GRM7: variants seen among roughly 807,000 people sequenced by gnomAD.
The protein encoded by GRM7 is metabotropic glutamate receptor 7.
In GRM7, 35 loss-of-function variants were observed where a neutral mutation model predicts 84.5. The ratio of observed to expected loss-of-function variants is 0.41; its 90% CI spans 0.32 to 0.55. The LOEUF is 0.55. Ranked by LOEUF, GRM7 falls within the 20% of genes least tolerant of loss-of-function variation. The pLI is 0.19. For synonymous variants in GRM7, 487 were observed against 455.1 expected, an observed-to-expected ratio of 1.07 and a Z score of -0.89; for missense variants, 1,003 against 1,194.6, an observed-to-expected ratio of 0.84 and a Z score of 2.36.
At chr3:7,502,614 G>A (rs1472234699) in intron 7 of GRM7, among the ~76,000 whole-genome samples, 1 of 152,106 alleles carries the variant, frequency 6.6e-6, no homozygotes, top group Non-Finnish European at 1.5e-5. Flanking sequence ...ACGCACAGAT[G>A]TATGATTGCC....
chr3:7,442,665 A>C (rs1697337933), intron 5 of GRM7, among the ~76,000 whole-genome samples: 1 of 152,124 alleles, frequency 6.6e-6, no homozygotes, highest in Non-Finnish European at 1.5e-5. Flanking sequence ...TTCATCCAGG[A>C]AGGGACTAAA....
rs143921543 is a variant in GRM7, at chr3:7,477,229, A to G, written c.1515+15507A>G. On this transcript the variant is annotated intron_variant, in intron 7 of 9. Transcript: ENST00000357716. ...TCTGGTGGAATTTTTTTTTAAATGC[A>G]CTCAAAAGAGCAAGATACTCAGCTG... Among the ~76,000 whole-genome samples, 1,425 of 152,248 alleles carry G rather than the reference A, an allele frequency of 9.4e-3. 28 individuals carry two copies. Among genetic ancestry groups the G allele is most frequent in the African/African-American group, 0.031 (1,295 of 41,548 alleles).
intron 2 of GRM7, among the ~76,000 whole-genome samples, chr3:7,228,852 G>A (rs914967142): frequency 6.6e-6 from 1 of 152,206 alleles, no homozygotes; most frequent in Non-Finnish European, 1.5e-5. Context: ...ATATGGGAAA[G>A]TATAATAGCT....
At chr3:6,952,488 A>G (rs919118125) in intron 1 of GRM7, among the ~76,000 whole-genome samples, 3 of 152,210 alleles carry the variant, frequency 2.0e-5, no homozygotes, top group Non-Finnish European at 4.4e-5. Context: ...TTCTGGCTGC[A>G]GTAATCTCTC....
intron 4 of GRM7, among the ~76,000 whole-genome samples, chr3:7,400,074 T>A (rs1695385072): frequency 6.6e-6 from 1 of 152,204 alleles, no homozygotes; most frequent in Non-Finnish European, 1.5e-5. Flanking sequence ...ATCTCTTTAC[T>A]ACTTTTGTTT....
At chr3:6,896,799 T>C (rs1282532888) in intron 1 of GRM7, among the ~76,000 whole-genome samples, 1 of 152,212 alleles carries the variant, frequency 6.6e-6, no homozygotes, top group Non-Finnish European at 1.5e-5. Flanking sequence ...AAATAACTCT[T>C]CTTTCTTGAA....
At chr3:7,325,155 G>A (rs967730373) in intron 4 of GRM7, among the ~76,000 whole-genome samples, 1 of 152,146 alleles carries the variant, frequency 6.6e-6, no homozygotes, top group South Asian at 2.1e-4. Context: ...AACATGAAGA[G>A]TGGGCCAGAG....
At chr3:7,551,796 C>T (rs183834321) in intron 7 of GRM7, among the ~76,000 whole-genome samples, 10 of 151,980 alleles carry the variant, frequency 6.6e-5, no homozygotes, top group Admixed American at 2.0e-4. Context: ...ATGGTAGGCT[C>T]GTGTATTAGT....
intron 1 of GRM7, among the ~76,000 whole-genome samples, chr3:7,064,501 T>TATATATATACACACACACAC (rs1417949952): frequency 1.1e-5 from 1 of 90,294 alleles, no homozygotes; most frequent in Non-Finnish European, 2.2e-5. Flanking sequence ...CATATATATA[T>TATATATATACACACACACAC]ACACATATAT....
intron 9 of GRM7, chr3:7,681,541 C>T (rs926580598): frequency 6.6e-6 from 1 of 152,156 alleles, no homozygotes; most frequent in African/African-American, 2.4e-5. Context: ...TAATTAACAA[C>T]ATTGTGGGCT....
chr3:7,345,832 C>A (rs201736699), intron 4 of GRM7, among the ~76,000 whole-genome samples: 13 of 148,332 alleles, frequency 8.8e-5, no homozygotes, highest in East Asian at 6.0e-4. Flanking sequence ...CAAAGAGCCT[C>A]AAAAAAAAAA....
intron 4 of GRM7, among the ~76,000 whole-genome samples, chr3:7,354,800 A>G (rs547288521): frequency 4.7e-4 from 72 of 152,326 alleles, no homozygotes; most frequent in African/African-American, 1.5e-3. Context: ...CTGGTATGTA[A>G]CTATTGATTT....
chr3:7,123,095 G>A (rs2125045533), intron 1 of GRM7, among the ~76,000 whole-genome samples: 1 of 152,340 alleles, frequency 6.6e-6, no homozygotes, highest in African/African-American at 2.4e-5. Context: ...AGTGGTAAAT[G>A]CACGATTCAT....
chr3:7,480,110 CAGA>C (rs139900502), intron 7 of GRM7, among the ~76,000 whole-genome samples: 9,178 of 152,158 alleles, frequency 0.06, 920 homozygotes, highest in African/African-American at 0.2. Flanking sequence ...TTGAGAGACA[CAGA>C]AGAAGTGGGG....
intron 1 of GRM7, among the ~76,000 whole-genome samples, chr3:7,088,149 C>T (rs754002837): frequency 7.9e-5 from 12 of 151,702 alleles, no homozygotes; most frequent in Non-Finnish European, 1.8e-4. Flanking sequence ...GAGTTGTTAA[C>T]TAATGCCTAT....
chr3:7,738,585 A>G (rs552424549), intron 9 of GRM7, among the ~76,000 whole-genome samples: 1 of 152,326 alleles, frequency 6.6e-6, no homozygotes, highest in South Asian at 2.1e-4. Flanking sequence ...TTCCTGAGAA[A>G]TTAGTGTTTT....
chr3:6,983,165 A>G (rs1312940114), intron 1 of GRM7, among the ~76,000 whole-genome samples: 2 of 152,216 alleles, frequency 1.3e-5, no homozygotes, highest in African/African-American at 2.4e-5. Context: ...TAAAAGCAAC[A>G]TAGGCTGGAA....
At chr3:7,104,897 TCAATATAATA>T (rs1249556321) in intron 1 of GRM7, among the ~76,000 whole-genome samples, 3 of 151,926 alleles carry the variant, frequency 2.0e-5, no homozygotes, top group African/African-American at 4.8e-5. Context: ...AGAATGTTAA[TCAATATAATA>T]CAATATAATA....
At chr3:7,453,099 G>T (rs1282748470) in intron 6 of GRM7, among the ~76,000 whole-genome samples, 1 of 151,354 alleles carries the variant, frequency 6.6e-6, no homozygotes, top group African/African-American at 2.4e-5. Flanking sequence ...GATGGAAGAG[G>T]AAGGGAAAGG....
Sources: gnomAD v4.1 joint callset for allele counts (sites outside exome capture counted in the v4.1 genomes callset) on GRCh38, gnomAD v4.1.1 for gene constraint, MANE v1.5 for transcripts, NCBI Gene and HGNC (gene_info 2026-07-23, HGNC 2026-07-21) for gene names.